Variants in GBP6 observed in about 807,000 individuals in gnomAD.
GBP6 encodes the protein guanylate binding protein family member 6, also known as guanylate-binding protein 6.
Under a neutral mutation model 61.5 loss-of-function variants are expected in GBP6, and 54 were observed. The ratio of observed to expected loss-of-function variants is 0.88; its 90% confidence interval spans 0.71 to 1.10. The LOEUF is 1.10. Ranked by LOEUF, GBP6 falls within the 50% of genes least tolerant of loss-of-function variation. The probability of loss-of-function intolerance (pLI) is 0.00; values close to 1 mark genes in which losing one functional copy is unlikely to be tolerated. For missense variants in GBP6, 748 were observed against 752.8 expected (o/e 0.99, Z 0.07); for synonymous variants, 255 against 273.7 (o/e 0.93, Z 0.67).
rs1653117885 is a variant in GBP6 at position 89,385,540 on chromosome 1, A to AG, written c.*72dup. Reference sequence around the variant, plus strand: ...GTATGTTTTTCATTTTCATTCAGCAAGTTTTTTTTTTTTTTCAGAGTCTTA... The same window carrying AG: ...GTATGTTTTTCATTTTCATTCAGCAAGGTTTTTTTTTTTTTTCAGAGTCTTA... On this transcript the variant is annotated 3_prime_UTR_variant, in exon 11 of 11. Coordinates refer to ENST00000370456, the MANE Select transcript of GBP6 (RefSeq NM_198460.3). 4.4e-6 allele frequency: 5 copies of AG among 1,143,546 alleles called. No individual in the cohort carries two copies. The highest frequency in any genetic ancestry group is 5.8e-6 in the Non-Finnish European group (5 of 862,834). 70.8% of individuals were successfully genotyped at this position (1,143,546 alleles called of 1,614,324 possible). A position where few individuals can be genotyped will look rare whatever the true frequency, so the allele number is the denominator to read the frequency against.
chr1:89,367,587 C>T (rs1652499261), intron 1 of GBP6, among the ~76,000 whole-genome samples: 1 of 152,034 alleles, frequency 6.6e-6, no homozygotes, highest in Non-Finnish European at 1.5e-5. Context: ...ATATTTTCTC[C>T]CTTTCCATAG....
Position 89,369,643 on chromosome 1 carries a change from GGACACC to G in GBP6, c.291_296del (p.Asp97_Thr98del). 6.2e-7 allele frequency: 1 copy of G among 1,613,996 alleles called. No homozygotes were observed. The highest frequency in any genetic ancestry group is 8.5e-7 in the Non-Finnish European group (1 of 1,179,938). ...AGCCAAACCACACCCTGGTCCTTCTGGACACCGAAGGTCTGGGCGATGTGGAAAAGG... is the reference window on the plus strand; with the variant it reads ...AGCCAAACCACACCCTGGTCCTTCTGGAAGGTCTGGGCGATGTGGAAAAGG... On this transcript the variant is annotated inframe_deletion, in exon 3 of 11. Transcript: ENST00000370456.
intron 9 of GBP6, 40 bp from the exon 10 acceptor site, chr1:89,384,053 C>A: frequency 6.5e-7 from 1 of 1,528,820 alleles, no homozygotes; most frequent in Non-Finnish European, 8.8e-7. Flanking sequence ...TGAATCTTCA[C>A]CTATTATTTT....
In GBP6 at chr1:89,386,875, C is replaced by T. The variant is rs1653158212; in HGVS notation, c.*1406C>T. On this transcript the variant is annotated 3_prime_UTR_variant, in exon 11 of 11. Transcript: ENST00000370456. Reference sequence around the variant, plus strand: ...CAGACACATAGAGGCCTGGTGTTGACCCTTAATTGTTAGAATCTAAGAAGA... The same window carrying T: ...CAGACACATAGAGGCCTGGTGTTGATCCTTAATTGTTAGAATCTAAGAAGA... Among the ~76,000 whole-genome samples the T allele has an allele frequency of 6.6e-6, 1 of 152,134 alleles. No individual in the cohort carries two copies. Among genetic ancestry groups the T allele is most frequent in the Non-Finnish European group, 1.5e-5 (1 of 68,030 alleles).
Position 89,381,797 on chromosome 1 carries a change from G to A in GBP6, c.975G>A (p.Ala325=), listed in dbSNP as rs768067790. The A allele has an allele frequency of 5.0e-6, 8 of 1,614,078 alleles. No homozygotes were observed. The highest frequency in any genetic ancestry group is 1.3e-5 in the African/African-American group (1 of 75,000). The change falls in exon 7 of 11, where the codon GCG becomes GCA. Residue 325 remains alanine (A), a synonymous_variant. Coordinates refer to ENST00000370456, the MANE Select transcript of GBP6 (RefSeq NM_198460.3). ...VITLAQRENS[A]AVQRAADYYS... is the part of the protein sequence containing the mutation. ...CTCTGGCCCAGCGTGAGAACTCAGCGGCCGTGCAGAGGGCAGCTGACTACT... is the reference window on the plus strand; with the variant it reads ...CTCTGGCCCAGCGTGAGAACTCAGCAGCCGTGCAGAGGGCAGCTGACTACT...
rs370756597 is a variant in GBP6, at chr1:89,368,655, C to A, written c.104C>A (p.Ser35Tyr). The change falls in exon 2 of 11, where the codon TCT becomes TAT. Residue 35 changes from serine to tyrosine, a missense_variant. Physicochemically the swap from Ser to Tyr is moderately radical, Grantham distance 144 (BLOSUM62 -2). Transcript: ENST00000370456. ...QQAIQILEKI[S>Y]QPVVVVAIVG... ...GCTATACAGATTCTTGAAAAGATTT[C>A]TCAGCCAGTGGTGGTGGTGGCCATT... 19 of 1,614,058 alleles carry A rather than the reference C, an allele frequency of 1.2e-5. No homozygotes were observed. The highest frequency in any genetic ancestry group is 1.7e-5 in the Admixed American group (1 of 59,996).
chr1:89,367,685 T>G (rs926641818), intron 1 of GBP6, among the ~76,000 whole-genome samples: 10 of 152,196 alleles, frequency 6.6e-5, no homozygotes, highest in Non-Finnish European at 1.0e-4. Flanking sequence ...TTTTTTCACT[T>G]GTTTCCAGTG....
chr1:89,380,386 G>A lies in GBP6; in HGVS notation c.626G>A (p.Gly209Asp), dbSNP rs752593753. 21 of 1,611,768 alleles carry A rather than the reference G, an allele frequency of 1.3e-5. No homozygotes were observed. Among genetic ancestry groups the A allele is most frequent in the Non-Finnish European group, 1.4e-5 (17 of 1,178,680 alleles). ...YLENALKLIQ[G>D]NNPRVQTSNF... ...TTCTCTGTTTTTTTTTATCCCTCAG[G>A]CAATAATCCCAGAGTTCAAACATCC... Residue 209 changes from glycine to aspartate, a missense_variant and splice_region_variant, in exon 6 of 11, where the codon GGC becomes GAC. By Grantham distance (94) the Gly-to-Asp change is moderately conservative. Transcript: ENST00000370456.
chr1:89,382,724 T>A lies in GBP6; in HGVS notation c.1213T>A (p.Tyr405Asn). 1 of 1,614,132 alleles carries A rather than the reference T, an allele frequency of 6.2e-7. No homozygotes were observed. Among genetic ancestry groups the A allele is most frequent in the Admixed American group, 1.7e-5 (1 of 60,022 alleles). ...LLQNEESSVQ[Y>N]CQAKLNELSK... ...GCAGAATGAAGAGTCATCTGTTCAA[T>A]ACTGCCAGGCTAAACTCAATGAGCT... is the stretch of plus-strand genomic sequence containing the variant. The change falls in exon 8 of 11, where the codon TAC (tyrosine) becomes AAC (asparagine). Residue 405 changes from tyrosine (Y) to asparagine (N), a missense_variant. Physicochemically the swap from Tyr to Asn is moderately radical, Grantham distance 143. Coordinates refer to ENST00000370456, the MANE Select transcript of GBP6 (RefSeq NM_198460.3).
At position 89,384,261 on chromosome 1, in the gene GBP6, T is replaced by C. The variant is rs1261388008; in HGVS notation, c.1637T>C (p.Ile546Thr). 1 of 1,613,244 alleles carries C rather than the reference T, an allele frequency of 6.2e-7. No individual in the cohort carries two copies. Among genetic ancestry groups the C allele is most frequent in the African/African-American group, 1.3e-5 (1 of 74,862 alleles). ...MEREHLLREQIMMLEHTQKVQ... is the reference protein window; with the variant it reads ...MEREHLLREQTMMLEHTQKVQ... ...AGAGAACACCTACTGAGAGAGCAGA[T>C]TATGATGTTGGAGCACACGCAGAAG... The change falls in exon 10 of 11, where the codon ATT (isoleucine) becomes ACT (threonine). Residue 546 changes from isoleucine (I) to threonine (T), a missense_variant. Transcript: ENST00000370456.
At position 89,384,155 on chromosome 1, in the gene GBP6, G is replaced by A. The variant is rs1429090845; in HGVS notation, c.1531G>A (p.Glu511Lys). ...GGAACTTTTAAAACAGAAATTACAG[G>A]AGCAGCAGCAACAGATGGAGGCTCA... ...EQELLKQKLQ[E>K]QQQQMEAQDK... Residue 511 changes from glutamate to lysine, a missense_variant, in exon 10 of 11, where the codon GAG becomes AAG. By Grantham distance (56) the Glu-to-Lys change is moderately conservative. Transcript: ENST00000370456. 5 of 1,613,932 alleles carry A rather than the reference G, an allele frequency of 3.1e-6. No individual in the cohort carries two copies. Among genetic ancestry groups the A allele is most frequent in the Non-Finnish European group, 4.2e-6 (5 of 1,179,940 alleles).
intron 1 of GBP6, among the ~76,000 whole-genome samples, chr1:89,368,284 G>A (rs1177621594): frequency 1.3e-5 from 2 of 152,162 alleles, no homozygotes; most frequent in African/African-American, 4.8e-5. Flanking sequence ...CCCTATTATG[G>A]TAACAATTAC....
At chr1:89,383,482 G>C (rs1653045595) in intron 8 of GBP6, among the ~76,000 whole-genome samples, 170 bp from the exon 9 acceptor site, 1 of 152,170 alleles carries the variant, frequency 6.6e-6, no homozygotes, top group African/African-American at 2.4e-5. Flanking sequence ...CAGGAAGCAG[G>C]AATTGAGGAG....
At chr1:89,369,311 A>G (rs540330058) in intron 2 of GBP6, among the ~76,000 whole-genome samples, 1 of 152,138 alleles carries the variant, frequency 6.6e-6, no homozygotes, top group East Asian at 1.9e-4. Context: ...TCTTTGTCTG[A>G]TTCATAGATT....
At position 89,378,063 on chromosome 1, in the gene GBP6, G is replaced by A. The variant is rs776371711; in HGVS notation, c.319-40G>A. 3 of 1,546,816 alleles carry A rather than the reference G, an allele frequency of 1.9e-6. No individual in the cohort carries two copies. The African/African-American group carries it at 4.1e-5, about 21-fold the overall frequency. On this transcript the variant is annotated intron_variant, in intron 3 of 10. Transcript: ENST00000370456. ...ATAAATGTCTCAGTGAATTTCTAAA[G>A]ACTACACTCCTAAGTCCTTTGCTCT...
intron 2 of GBP6, among the ~76,000 whole-genome samples, chr1:89,369,341 A>G (rs1159541400): frequency 2.6e-5 from 4 of 152,032 alleles, no homozygotes; most frequent in Non-Finnish European, 5.9e-5. Flanking sequence ...CTCCATTTTG[A>G]GCCGTTACTT....
rs1033729143 is a variant in GBP6 at position 89,382,084 on chromosome 1, T to G, written c.1152+110T>G. ...TCTGTCACTGAGGAATAACTTATTG[T>G]GGATTCTCATGAGGGATAGAGTTTC... On this transcript the variant is annotated intron_variant, in intron 7 of 10. Transcript: ENST00000370456. The G allele has an allele frequency of 7.3e-6, 8 of 1,098,412 alleles. No homozygotes were observed. In the African/African-American group the frequency reaches 1.3e-4, roughly 17 times the overall value. The allele number at this position is 1,098,412 out of a possible 1,614,324, so 68.0% of individuals were successfully genotyped here. A position where few individuals can be genotyped will look rare whatever the true frequency, so the allele number is the denominator to read the frequency against.
intron 3 of GBP6, among the ~76,000 whole-genome samples, chr1:89,375,336 C>A (rs1652775569): frequency 6.6e-6 from 1 of 152,076 alleles, no homozygotes; most frequent in Non-Finnish European, 1.5e-5. Context: ...TCACACCAGT[C>A]AGAATAGGGT....
At chr1:89,364,317 C>T (rs543442524) in intron 1 of GBP6, among the ~76,000 whole-genome samples, 190 bp downstream of exon 1, 1 of 152,340 alleles carries the variant, frequency 6.6e-6, no homozygotes, top group South Asian at 2.1e-4. Flanking sequence ...GGGCACGCCG[C>T]GTCCCCCTGG....
Sources: allele counts gnomAD v4.1 joint callset (sites outside exome capture counted in the v4.1 genomes callset), GRCh38; gene constraint gnomAD v4.1.1; transcripts MANE v1.5; gene names NCBI Gene and HGNC (gene_info 2026-07-23, HGNC 2026-07-21).